The following SDK1 variants were observed in gnomAD, a reference collection of about 807,000 sequenced individuals.
The protein encoded by SDK1 is protein sidekick-1.
Under a neutral mutation model 245.5 loss-of-function variants are expected in SDK1, and 157 were observed. The ratio of observed to expected loss-of-function variants is 0.64; its 90% CI spans 0.56 to 0.73. The LOEUF is 0.73. Among genes scored for constraint, SDK1 ranks in the 30% least tolerant of loss-of-function variants. The pLI, the probability that SDK1 is intolerant of heterozygous loss-of-function variation, is 0.00. For synonymous variants in SDK1, 1,647 were observed against 1,278.5 expected, an observed-to-expected ratio of 1.29 and a Z score of -6.15; for missense variants, 3,583 against 3,002.3, an observed-to-expected ratio of 1.19 and a Z score of -4.52.
At chr7:3,406,683 C>T (rs1024319742) in intron 1 of SDK1, among the ~76,000 whole-genome samples, 5 of 152,192 alleles carry the variant, frequency 3.3e-5, no homozygotes, top group East Asian at 1.9e-4. Flanking sequence ...GTGTTTGACA[C>T]GAGGGGATGT....
At chr7:3,794,422 C>T (rs528169777) in intron 4 of SDK1, among the ~76,000 whole-genome samples, 1 of 152,318 alleles carries the variant, frequency 6.6e-6, no homozygotes, top group East Asian at 1.9e-4. Flanking sequence ...TTTATTCCCT[C>T]TGAATCTGAT....
intron 1 of SDK1, among the ~76,000 whole-genome samples, chr7:3,612,595 A>G (rs569700615): frequency 1.3e-5 from 2 of 152,306 alleles, no homozygotes; most frequent in African/African-American, 4.8e-5. Flanking sequence ...TCTCCCTGGA[A>G]TTTGAAAAAT....
intron 4 of SDK1, among the ~76,000 whole-genome samples, chr7:3,814,393 T>C (rs1372976077): frequency 6.6e-6 from 1 of 150,744 alleles, no homozygotes; most frequent in Non-Finnish European, 1.5e-5. Flanking sequence ...TGCTTGTTTT[T>C]CTCAGGTTTG....
chr7:4,152,932 T>C (rs1281945771), intron 30 of SDK1, among the ~76,000 whole-genome samples: 1 of 151,996 alleles, frequency 6.6e-6, no homozygotes, highest in East Asian at 1.9e-4. Flanking sequence ...TGGTTGGTGG[T>C]TGAAGTTGTG....
chr7:3,451,298 T>C (rs1780506679), intron 1 of SDK1, among the ~76,000 whole-genome samples: 2 of 151,512 alleles, frequency 1.3e-5, no homozygotes, highest in Non-Finnish European at 2.9e-5. Flanking sequence ...GCTTTCCCAC[T>C]GAGTCTGGAG....
chr7:4,217,646 C>G (rs1004312255), intron 38 of SDK1, among the ~76,000 whole-genome samples: 17 of 152,254 alleles, frequency 1.1e-4, no homozygotes, highest in Non-Finnish European at 1.9e-4. Flanking sequence ...ACCTGGAGCA[C>G]CAGGCCACTT....
chr7:4,052,723 T>A (rs902755252), intron 19 of SDK1, among the ~76,000 whole-genome samples: 2 of 152,192 alleles, frequency 1.3e-5, no homozygotes, highest in Non-Finnish European at 2.9e-5. Context: ...AGTTTTGGCA[T>A]ATTTCGTTGT....
chr7:3,588,851 C>T (rs1210311685), intron 1 of SDK1, among the ~76,000 whole-genome samples: 1 of 152,152 alleles, frequency 6.6e-6, no homozygotes, highest in Non-Finnish European at 1.5e-5. Context: ...AGAATCAAAG[C>T]ATTGGATTTA....
intron 17 of SDK1, among the ~76,000 whole-genome samples, chr7:4,017,761 G>A (rs1222536371): frequency 6.6e-6 from 1 of 152,168 alleles, no homozygotes; most frequent in Non-Finnish European, 1.5e-5. Flanking sequence ...TTTTAACGAC[G>A]TAACGTGATT....
At chr7:3,536,725 A>T (rs1778900302) in intron 1 of SDK1, among the ~76,000 whole-genome samples, 1 of 152,092 alleles carries the variant, frequency 6.6e-6, no homozygotes, top group East Asian at 1.9e-4. Flanking sequence ...AAACAAACCT[A>T]TGCATTGAAA....
chr7:3,853,987 C>CA (rs552560717), intron 5 of SDK1, among the ~76,000 whole-genome samples: 507 of 150,966 alleles, frequency 3.4e-3, no homozygotes, highest in Non-Finnish European at 5.5e-3. Flanking sequence ...GACTCCGTCT[C>CA]AAAAAAAAAA....
intron 1 of SDK1, among the ~76,000 whole-genome samples, chr7:3,358,075 G>A (rs548332983): frequency 4.0e-5 from 6 of 151,884 alleles, no homozygotes; most frequent in Non-Finnish European, 8.8e-5. Context: ...AGGCTGGAGT[G>A]CAGTGACAGG....
intron 38 of SDK1, among the ~76,000 whole-genome samples, chr7:4,215,810 CCTGA>C (rs1784764308): frequency 6.6e-6 from 1 of 152,130 alleles, no homozygotes; most frequent in African/African-American, 2.4e-5. Flanking sequence ...GAGTTGGGGT[CCTGA>C]CTATCGGCTG....
At chr7:3,392,509 T>C (rs1781784071) in intron 1 of SDK1, among the ~76,000 whole-genome samples, 1 of 152,154 alleles carries the variant, frequency 6.6e-6, no homozygotes, top group Admixed American at 6.5e-5. Context: ...TGCAGTTCAG[T>C]GACATTCATT....
intron 5 of SDK1, among the ~76,000 whole-genome samples, chr7:3,925,609 AGGGCAGCCTTG>A (rs1334835163): frequency 3.9e-5 from 6 of 152,220 alleles, no homozygotes; most frequent in African/African-American, 1.4e-4. Context: ...GGGTGCTCAG[AGGGCAGCCTTG>A]GGGCACCCTG....
chr7:3,494,733 T>C (rs1439258574), intron 1 of SDK1, among the ~76,000 whole-genome samples: 1 of 152,238 alleles, frequency 6.6e-6, no homozygotes, highest in Non-Finnish European at 1.5e-5. Flanking sequence ...TTTAACATTG[T>C]GTTTGAGAGC....
intron 1 of SDK1, among the ~76,000 whole-genome samples, chr7:3,382,155 G>A (rs1036634093): frequency 6.7e-6 from 1 of 150,008 alleles, no homozygotes; most frequent in Non-Finnish European, 1.5e-5. Context: ...TTTTTGTGTA[G>A]AGACAGGGTC....
intron 4 of SDK1, among the ~76,000 whole-genome samples, chr7:3,714,689 A>G (rs572883732): frequency 4.6e-5 from 7 of 152,316 alleles, no homozygotes; most frequent in African/African-American, 9.6e-5. Flanking sequence ...ATTAATTTCA[A>G]GACACTTATT....
chr7:3,856,282 A>G (rs1780543087), intron 5 of SDK1, among the ~76,000 whole-genome samples: 2 of 152,088 alleles, frequency 1.3e-5, no homozygotes, highest in Non-Finnish European at 2.9e-5. Flanking sequence ...ACTACTGGAG[A>G]AAAAAATAAT....
Sources: gnomAD v4.1 joint callset for allele counts (sites outside exome capture counted in the v4.1 genomes callset) on GRCh38, gnomAD v4.1.1 for gene constraint, MANE v1.5 for transcripts, NCBI Gene and HGNC (gene_info 2026-07-23, HGNC 2026-07-21) for gene names.